Variants in CTNND2 observed in about 807,000 individuals in gnomAD.
CTNND2 encodes the protein catenin delta-2.
In CTNND2, 22 loss-of-function variants were observed where a neutral mutation model predicts 144.4. That is an observed-to-expected ratio of 0.15 (90% CI 0.11 to 0.22). The LOEUF is 0.22. CTNND2 is among the 10% of genes least tolerant of loss of function. The pLI is 1.00. For missense variants in CTNND2, 1,353 were observed against 1,618.8 expected, an observed-to-expected ratio of 0.84 and a Z score of 2.82; for synonymous variants, 751 against 695.6, an observed-to-expected ratio of 1.08 and a Z score of -1.25.
chr5:11,404,602 C>CTGTTTTTT, intron 5 of CTNND2, among the ~76,000 whole-genome samples: 1 of 57,366 alleles, frequency 1.7e-5, no homozygotes, highest in Non-Finnish European at 4.0e-5. Flanking sequence ...TATCTGTATT[C>CTGTTTTTT]TTTTTTTTTT....
intron 2 of CTNND2, among the ~76,000 whole-genome samples, chr5:11,691,261 C>G (rs1441334083): frequency 6.6e-6 from 1 of 151,902 alleles, no homozygotes; most frequent in Non-Finnish European, 1.5e-5. Flanking sequence ...GTCCCAGTTA[C>G]TCGGGAGGCT....
At chr5:11,664,320 C>T (rs141137755) in intron 2 of CTNND2, among the ~76,000 whole-genome samples, 2,003 of 152,230 alleles carry the variant, frequency 0.013, 31 homozygotes, top group Middle Eastern at 0.02. Context: ...AAGCTGGGTG[C>T]GGTGGCTCAC....
intron 6 of CTNND2, among the ~76,000 whole-genome samples, chr5:11,388,374 G>A (rs1759301147): frequency 6.6e-6 from 1 of 152,152 alleles, no homozygotes; most frequent in South Asian, 2.1e-4. Context: ...GAACACATGG[G>A]CTGATTGACA....
chr5:11,206,374 G>T (rs912825522), intron 10 of CTNND2, among the ~76,000 whole-genome samples: 2 of 152,106 alleles, frequency 1.3e-5, no homozygotes, highest in Admixed American at 1.3e-4. Context: ...CAGAATTGCT[G>T]AACACCGTAA....
chr5:11,316,468 T>TTTA (rs57708081), intron 9 of CTNND2, among the ~76,000 whole-genome samples: 4,037 of 73,286 alleles, frequency 0.055, 136 homozygotes, highest in African/African-American at 0.096. Context: ...TCCACTATTT[T>TTTA]TTATTATTAT....
chr5:11,018,851 C>G (rs1741915474), intron 17 of CTNND2, among the ~76,000 whole-genome samples: 1 of 151,872 alleles, frequency 6.6e-6, no homozygotes, highest in Admixed American at 6.6e-5. Context: ...GCTGGGATTA[C>G]AGGCGTGTGC....
chr5:11,033,217 A>G (rs1394184575), intron 16 of CTNND2, among the ~76,000 whole-genome samples: 2 of 152,256 alleles, frequency 1.3e-5, no homozygotes, highest in Admixed American at 6.5e-5. Context: ...CCCTGGTTCA[A>G]TCCACAATGG....
intron 18 of CTNND2, among the ~76,000 whole-genome samples, chr5:11,007,236 G>T (rs991824890): frequency 1.3e-5 from 2 of 152,218 alleles, no homozygotes; most frequent in Non-Finnish European, 2.9e-5. Flanking sequence ...GAATCACATG[G>T]TATTAAGGAG....
At chr5:11,535,347 T>C (rs1344906816) in intron 3 of CTNND2, among the ~76,000 whole-genome samples, 2 of 152,184 alleles carry the variant, frequency 1.3e-5, no homozygotes, top group African/African-American at 4.8e-5. Context: ...GTGTAAAATG[T>C]GCTTCAAGAT....
chr5:11,169,076 A>G (rs1759638208), intron 11 of CTNND2, among the ~76,000 whole-genome samples: 1 of 152,156 alleles, frequency 6.6e-6, no homozygotes, highest in African/African-American at 2.4e-5. Flanking sequence ...ATCAAGAGTA[A>G]TAGTTTGCTC....
intron 12 of CTNND2, among the ~76,000 whole-genome samples, chr5:11,156,032 G>A (rs1233571082): frequency 3.3e-5 from 5 of 152,140 alleles, no homozygotes; most frequent in Non-Finnish European, 7.4e-5. Context: ...AGGGAATGGG[G>A]TGGCGTTAGG....
chr5:11,083,250 G>C (rs530223932), intron 15 of CTNND2, among the ~76,000 whole-genome samples: 2 of 152,208 alleles, frequency 1.3e-5, no homozygotes, highest in Non-Finnish European at 2.9e-5. Context: ...TTGTGTGGGA[G>C]TGATTTCTCA....
chr5:11,437,518 G>A (rs1002417655), intron 3 of CTNND2, among the ~76,000 whole-genome samples: 2 of 152,188 alleles, frequency 1.3e-5, no homozygotes, highest in African/African-American at 4.8e-5. Flanking sequence ...AAATGCCAAC[G>A]GAGAGATGAT....
intron 12 of CTNND2, among the ~76,000 whole-genome samples, chr5:11,140,216 C>T (rs1756592477): frequency 1.3e-5 from 2 of 152,174 alleles, no homozygotes; most frequent in Non-Finnish European, 2.9e-5. Context: ...TACAGTTGGG[C>T]ATACATTGGT....
At chr5:11,536,596 A>G (rs907764007) in intron 3 of CTNND2, among the ~76,000 whole-genome samples, 3 of 152,214 alleles carry the variant, frequency 2.0e-5, no homozygotes, top group African/African-American at 7.2e-5. Flanking sequence ...GGTATTGGAG[A>G]TTATTATTCT....
At chr5:11,214,412 T>C (rs1369060541) in intron 10 of CTNND2, among the ~76,000 whole-genome samples, 1 of 152,242 alleles carries the variant, frequency 6.6e-6, no homozygotes, top group Non-Finnish European at 1.5e-5. Flanking sequence ...ATTTGTTTAT[T>C]GCATACAATT....
At chr5:11,374,159 C>T (rs1017969193) in intron 7 of CTNND2, among the ~76,000 whole-genome samples, 2 of 152,128 alleles carry the variant, frequency 1.3e-5, no homozygotes, top group African/African-American at 4.8e-5. Context: ...ACAGTCCTGA[C>T]TGAAGCTAGG....
At chr5:11,313,811 T>C (rs1751230035) in intron 9 of CTNND2, among the ~76,000 whole-genome samples, 1 of 152,238 alleles carries the variant, frequency 6.6e-6, no homozygotes, top group Middle Eastern at 3.4e-3. Flanking sequence ...ACAGGAAGCA[T>C]GGCTAAGAGG....
intron 2 of CTNND2, among the ~76,000 whole-genome samples, chr5:11,631,234 T>C (rs969908960): frequency 6.6e-6 from 1 of 152,198 alleles, no homozygotes; most frequent in Non-Finnish European, 1.5e-5. Context: ...ATTGAAAGTT[T>C]TAAAGGATCT....
Sources: allele counts gnomAD v4.1 joint callset (sites outside exome capture counted in the v4.1 genomes callset), GRCh38; gene constraint gnomAD v4.1.1; transcripts MANE v1.5; gene names NCBI Gene and HGNC (gene_info 2026-07-23, HGNC 2026-07-21).